CAMTA1: variants seen among roughly 807,000 people sequenced by gnomAD.
CAMTA1 encodes calmodulin-binding transcription activator 1.
A neutral mutation model predicts 170.9 loss-of-function variants in CAMTA1; 27 were observed. The ratio of observed to expected loss-of-function variants is 0.16; its 90% confidence interval spans 0.12 to 0.22. The LOEUF (loss-of-function observed/expected upper bound fraction) is 0.22, where lower values mean the gene tolerates loss of function less well. CAMTA1 is among the 10% of genes least tolerant of loss of function. CAMTA1 has a pLI of 1.00. For missense variants in CAMTA1, 1,619 were observed against 2,217.2 expected, an observed-to-expected ratio of 0.73 and a Z score of 5.42; for synonymous variants, 833 against 891.5, an observed-to-expected ratio of 0.93 and a Z score of 1.17.
intron 17 of CAMTA1, 26 bp downstream of exon 17, chr1:7,745,048 C>A: frequency 1.3e-6 from 2 of 1,577,674 alleles, no homozygotes; most frequent in Non-Finnish European, 8.6e-7. Context: ...GAGGTCACTA[C>A]CCAGCATAGA....
chr1:6,943,592 T>C lies in CAMTA1; in HGVS notation c.234+118382T>C, dbSNP rs181557464. On this transcript the variant is annotated intron_variant, in intron 3 of 22. Transcript: ENST00000303635. ...GGCCAGGCGTGGTGGCTCACACCTG[T>C]AATCCCAGCACTTTGGGAGGCCGAG... 6.6e-5 allele frequency among the ~76,000 whole-genome samples: 10 copies of C among 152,212 alleles called. No individual in the cohort carries two copies. In the East Asian group the frequency reaches 1.9e-3, roughly 29 times the overall value.
chr1:6,892,941 A>G (rs565258020), intron 3 of CAMTA1, among the ~76,000 whole-genome samples: 33 of 151,960 alleles, frequency 2.2e-4, no homozygotes, highest in Non-Finnish European at 4.6e-4. Context: ...GAAGTTTTTT[A>G]TCTTCAGAAA....
chr1:6,916,258 G>C (rs913554780), intron 3 of CAMTA1, among the ~76,000 whole-genome samples: 4 of 152,084 alleles, frequency 2.6e-5, no homozygotes, highest in Admixed American at 6.6e-5. Context: ...CAGAGCCCAG[G>C]GCGCTTCCCG....
At chr1:7,379,139 A>G (rs528812495) in intron 5 of CAMTA1, among the ~76,000 whole-genome samples, 7 of 152,334 alleles carry the variant, frequency 4.6e-5, no homozygotes, top group African/African-American at 1.7e-4. Flanking sequence ...TTGTAAAAAT[A>G]TTATTTCCCA....
At chr1:6,885,892 G>T (rs887552720) in intron 3 of CAMTA1, among the ~76,000 whole-genome samples, 9 of 152,114 alleles carry the variant, frequency 5.9e-5, no homozygotes, top group Non-Finnish European at 1.3e-4. Flanking sequence ...AGGGCAGCCC[G>T]CATGCCACTC....
chr1:7,027,774 A>C (rs981798155), intron 3 of CAMTA1, among the ~76,000 whole-genome samples: 2 of 152,208 alleles, frequency 1.3e-5, no homozygotes, highest in African/African-American at 4.8e-5. Flanking sequence ...GGATGCAGCC[A>C]TCTGTCTTCC....
In CAMTA1 at chr1:7,010,301, C is replaced by G. The variant is rs991946687; in HGVS notation, c.235-81003C>G. ...CCGGCTCCTGGGCCGCCCCCTCACT[C>G]GGCGTCCAGTGCTCAGGCCTCTGGG... On this transcript the variant is annotated intron_variant, in intron 3 of 22. Coordinates refer to ENST00000303635, the MANE Select transcript of CAMTA1 (RefSeq NM_015215.4). The surrounding 1 kb of genome is among the most constrained non-coding windows in gnomAD (Gnocchi z 4.4). 6.6e-6 allele frequency among the ~76,000 whole-genome samples: 1 copy of G among 152,150 alleles called. No individual in the cohort carries two copies. Among genetic ancestry groups the G allele is most frequent in the Non-Finnish European group, 1.5e-5 (1 of 68,030 alleles).
At chr1:7,551,487 G>T (rs1342772115) in intron 6 of CAMTA1, among the ~76,000 whole-genome samples, 1 of 152,184 alleles carries the variant, frequency 6.6e-6, no homozygotes, top group Non-Finnish European at 1.5e-5. Context: ...TGCCTGAAGT[G>T]GCCTTGAGCT....
At chr1:6,937,397 T>C (rs986282123) in intron 3 of CAMTA1, among the ~76,000 whole-genome samples, 1 of 145,976 alleles carries the variant, frequency 6.9e-6, no homozygotes, top group Admixed American at 6.9e-5. Context: ...ACCACTATCA[T>C]CACCATCACC....
chr1:7,528,959 GTGCCAGTAACTAGTCA>G (rs6143108), intron 6 of CAMTA1, among the ~76,000 whole-genome samples: 28,831 of 150,778 alleles, frequency 0.19, 3,754 homozygotes, highest in East Asian at 0.52. Context: ...CACAGGGTTG[GTGCCAGTAACTAGTCA>G]TGCCAGTAAC....
intron 6 of CAMTA1, among the ~76,000 whole-genome samples, chr1:7,527,351 G>A (rs1455227839): frequency 7.9e-5 from 12 of 152,144 alleles, no homozygotes; most frequent in African/African-American, 2.2e-4. Flanking sequence ...TCTCCCAGAC[G>A]ATCCACCCCT....
chr1:7,323,016 C>T (rs1373288171), intron 5 of CAMTA1, among the ~76,000 whole-genome samples: 1 of 146,968 alleles, frequency 6.8e-6, no homozygotes, highest in African/African-American at 2.5e-5. Context: ...CCTTCCCTCC[C>T]TCCCTCCTTC....
chr1:6,799,647 T>A (rs1643424950), intron 1 of CAMTA1, among the ~76,000 whole-genome samples: 1 of 152,226 alleles, frequency 6.6e-6, no homozygotes, highest in Non-Finnish European at 1.5e-5. Flanking sequence ...GTAAAGGGTT[T>A]TCCTAGCGAT....
At position 7,121,377 on chromosome 1, in the gene CAMTA1, A is replaced by G. The variant is rs1384627641; in HGVS notation, c.302+30006A>G. ...ATTTCCGATACACAATGGGTGGATAAGATGGATCAAATCAAACTCTAATGT... is the reference window on the plus strand; with the variant it reads ...ATTTCCGATACACAATGGGTGGATAGGATGGATCAAATCAAACTCTAATGT... On this transcript the variant is annotated intron_variant, in intron 4 of 22. Coordinates refer to ENST00000303635, the MANE Select transcript of CAMTA1 (RefSeq NM_015215.4). Among the ~76,000 whole-genome samples the G allele has an allele frequency of 2.0e-5, 3 of 152,260 alleles. No individual in the cohort carries two copies. The South Asian group carries it at 6.2e-4, about 31-fold the overall frequency.
chr1:6,800,848 T>A (rs1037290345), intron 1 of CAMTA1, among the ~76,000 whole-genome samples: 4 of 152,208 alleles, frequency 2.6e-5, no homozygotes, highest in Admixed American at 2.0e-4. Flanking sequence ...TTTTGGAAGT[T>A]TCTTTCATTT....
chr1:6,961,212 G>A (rs1489752568), intron 3 of CAMTA1, among the ~76,000 whole-genome samples: 2 of 152,224 alleles, frequency 1.3e-5, no homozygotes, highest in African/African-American at 2.4e-5. Flanking sequence ...GTTGTAAGCC[G>A]TGGAAACCAA....
chr1:7,716,124 C>A (rs563574592), intron 11 of CAMTA1, among the ~76,000 whole-genome samples: 1 of 152,324 alleles, frequency 6.6e-6, no homozygotes, highest in South Asian at 2.1e-4. Context: ...CCTCCACCTT[C>A]TGGGCTCACG....
chr1:7,042,564 C>T (rs1310992285), intron 3 of CAMTA1, among the ~76,000 whole-genome samples: 2 of 152,248 alleles, frequency 1.3e-5, no homozygotes, highest in African/African-American at 4.8e-5. Flanking sequence ...AAAAACCTCC[C>T]TGAGCCCGTG....
intron 11 of CAMTA1, among the ~76,000 whole-genome samples, chr1:7,723,871 G>A (rs2096665344): frequency 1.3e-5 from 2 of 152,244 alleles, no homozygotes; most frequent in Admixed American, 1.3e-4. Context: ...GCAGGCTGGA[G>A]TTCAGTGGTG....
Sources: gnomAD v4.1 joint callset for allele counts (sites outside exome capture counted in the v4.1 genomes callset) on GRCh38, gnomAD v4.1.1 for gene constraint, Gnocchi (gnomAD v3.1) non-coding constraint, MANE v1.5 for transcripts, NCBI Gene and HGNC (gene_info 2026-07-23, HGNC 2026-07-21) for gene names.